SPG11: variants seen among roughly 807,000 people sequenced by gnomAD.
SPG11 encodes SPG11 vesicle trafficking associated, spatacsin.
SPG11 carries 222 observed loss-of-function variants against 274.0 expected under a neutral mutation model. The ratio of observed to expected loss-of-function variants is 0.81; its 90% CI spans 0.73 to 0.91. The LOEUF (loss-of-function observed/expected upper bound fraction) is 0.91. Among genes scored for constraint, SPG11 ranks in the 40% least tolerant of loss-of-function variants. The probability of loss-of-function intolerance (pLI) is 0.00; values close to 1 mark genes in which losing one functional copy is unlikely to be tolerated. For synonymous variants in SPG11, 1,144 were observed against 1,039.7 expected (o/e 1.10, Z -1.93); for missense variants, 3,114 against 2,872.7 (o/e 1.08, Z -1.92).
rs375608115 is a variant in SPG11 at position 44,570,616 on chromosome 15, G to A, written c.6386C>T (p.Thr2129Met). 19 of 1,614,126 alleles carry A rather than the reference G, an allele frequency of 1.2e-5. No homozygotes were observed. The highest frequency in any genetic ancestry group is 6.7e-5 in the East Asian group (3 of 44,880). The change falls in exon 34 of 40, where the codon ACG (threonine) becomes ATG (methionine). Residue 2129 changes from threonine to methionine, a missense_variant. Transcript: ENST00000261866. ...LILAHHCFTL[T>M]CHMEGIIRVL... ...TCGGATGATGCCCTCCATGTGGCAC[G>A]TCAGGGTGAAGCAATGATGGGCCAG... is the stretch of plus-strand genomic sequence containing the variant.
chr15:44,583,861 A>T lies in SPG11; in HGVS notation c.5819T>A (p.Leu1940Gln). 1 of 1,614,222 alleles carries T rather than the reference A, an allele frequency of 6.2e-7. No homozygotes were observed. Among genetic ancestry groups the T allele is most frequent in the Non-Finnish European group, 8.5e-7 (1 of 1,180,038 alleles). Residue 1940 changes from leucine to glutamine, a missense_variant, in exon 30 of 40, where the codon CTG becomes CAG. Transcript: ENST00000261866. ...EIHALLQSAE[L>Q]LEEEAPDIPL... ...AATGTCGGGTGCTTCTTCCTCAAGC[A>T]GCTCAGCACTTTGTAGGAGAGCATG...
chr15:44,606,436 C>T (rs1232587665), intron 19 of SPG11, among the ~76,000 whole-genome samples: 1 of 151,816 alleles, frequency 6.6e-6, no homozygotes, highest in African/African-American at 2.4e-5. Context: ...GGCTAAAAGA[C>T]TAGAAAACGT....
At chr15:44,661,077 C>T (rs1461612713) in intron 1 of SPG11, among the ~76,000 whole-genome samples, 1 of 152,148 alleles carries the variant, frequency 6.6e-6, no homozygotes. Flanking sequence ...TCTTGAAAAA[C>T]TCTGCCTAAT....
intron 25 of SPG11, 21 bp from the exon 26 acceptor site, chr15:44,595,480 T>C: frequency 1.2e-6 from 2 of 1,611,710 alleles, no homozygotes; most frequent in Non-Finnish European, 1.7e-6. Flanking sequence ...ATAAATAAAA[T>C]AACAACTAGG....
Position 44,585,630 on chromosome 15 carries a change from T to G in SPG11, c.5121+6A>C. ...AAAAAAAAAAAAAAAAAAAGACCGA[T>G]GATACCTCTTTAATAACCAAGTTGT... is the stretch of plus-strand genomic sequence containing the variant. On this transcript the variant is annotated splice_donor_region_variant and intron_variant, in intron 29 of 39. Coordinates refer to ENST00000261866, the MANE Select transcript of SPG11 (RefSeq NM_025137.4). 6.4e-7 allele frequency: 1 copy of G among 1,559,424 alleles called. No individual in the cohort carries two copies. The highest frequency in any genetic ancestry group is 8.8e-7 in the Non-Finnish European group (1 of 1,139,918).
chr15:44,619,457 C>T (rs2083678583), intron 15 of SPG11, among the ~76,000 whole-genome samples: 1 of 152,164 alleles, frequency 6.6e-6, no homozygotes, highest in Non-Finnish European at 1.5e-5. Context: ...AAAATCTTCA[C>T]ATCACTTCAA....
intron 15 of SPG11, among the ~76,000 whole-genome samples, chr15:44,619,071 G>C (rs1347341439): frequency 6.6e-6 from 1 of 152,112 alleles, no homozygotes; most frequent in Non-Finnish European, 1.5e-5. Context: ...ATATTTACTA[G>C]TAGTAAACAA....
chr15:44,576,849 T>C (rs1212098584), intron 30 of SPG11, among the ~76,000 whole-genome samples: 1 of 151,974 alleles, frequency 6.6e-6, no homozygotes, highest in Non-Finnish European at 1.5e-5. Flanking sequence ...TTGTGTGTGA[T>C]GAAGTCTCAC....
rs543019032 is a variant in SPG11 at position 44,569,998 on chromosome 15, A to G, written c.6478-493T>C. Among the ~76,000 whole-genome samples, 10 of 152,250 alleles carry G rather than the reference A, an allele frequency of 6.6e-5. No homozygotes were observed. In the East Asian group the frequency reaches 1.9e-3, roughly 29 times the overall value. On this transcript the variant is annotated intron_variant, in intron 34 of 39. Transcript: ENST00000261866. ...GCTGGGATTACAGGCGTGAGCCACC[A>G]TGAACGGCTTTGCTGTCCTTAAATG...
chr15:44,593,920 T>A (rs1887092103), intron 26 of SPG11, among the ~76,000 whole-genome samples: 2 of 149,742 alleles, frequency 1.3e-5, no homozygotes, highest in African/African-American at 4.9e-5. Context: ...CGCCCGGCTT[T>A]TTTCTTTTCT....
intron 7 of SPG11, among the ~76,000 whole-genome samples, chr15:44,641,303 A>C (rs576699292): frequency 5.1e-4 from 77 of 152,228 alleles, no homozygotes; most frequent in African/African-American, 1.4e-3. Flanking sequence ...GAAAAAACAG[A>C]AACTATATAA....
rs1452511274 is a variant in SPG11, at chr15:44,596,813, T to C, written c.4132A>G (p.Ser1378Gly). The change falls in exon 24 of 40, where the codon AGC becomes GGC. Residue 1378 changes from serine (S) to glycine (G), a missense_variant. By Grantham distance (56) the Ser-to-Gly change is moderately conservative. Coordinates refer to ENST00000261866, the MANE Select transcript of SPG11 (RefSeq NM_025137.4). ...GCTGGGTGGTAGTTGTGGAGTTGGCTGTGAATAATGAACTGCAGCCAATCA... is the reference window on the plus strand; with the variant it reads ...GCTGGGTGGTAGTTGTGGAGTTGGCCGTGAATAATGAACTGCAGCCAATCA... ...ANDWLQFIIHSQLHNYHPAEV... is the reference protein window; with the variant it reads ...ANDWLQFIIHGQLHNYHPAEV... The C allele has an allele frequency of 5.0e-6, 8 of 1,614,016 alleles. No homozygotes were observed. The highest frequency in any genetic ancestry group is 6.8e-6 in the Non-Finnish European group (8 of 1,180,036).
intron 4 of SPG11, among the ~76,000 whole-genome samples, chr15:44,653,147 C>A (rs1174873775): frequency 6.6e-6 from 1 of 151,848 alleles, no homozygotes; most frequent in Admixed American, 6.6e-5. Flanking sequence ...TGGTTCAGGG[C>A]CCCATAGGCT....
intron 8 of SPG11, among the ~76,000 whole-genome samples, chr15:44,630,176 G>C (rs574712989): frequency 6.6e-6 from 1 of 152,358 alleles, no homozygotes; most frequent in East Asian, 1.9e-4. Flanking sequence ...CCTGGATGTT[G>C]CATCGGCAGC....
chr15:44,614,975 T>G (rs1000169012), intron 16 of SPG11, among the ~76,000 whole-genome samples: 1 of 152,220 alleles, frequency 6.6e-6, no homozygotes, highest in East Asian at 1.9e-4. Context: ...CTAATATACC[T>G]TGAAAGTGAA....
chr15:44,566,151 AAAAG>A, intron 37 of SPG11, 62 bp downstream of exon 37: 1 of 1,602,820 alleles, frequency 6.2e-7, no homozygotes. Context: ...GCCCAAGGAC[AAAAG>A]AAAATAATTT....
In SPG11 at chr15:44,567,424, C is replaced by T. The variant is rs2140916872; in HGVS notation, c.6754G>A (p.Glu2252Lys). ...QLKLIESQPW[E>K]DSLKDGHQLK... is the part of the protein sequence containing the mutation. Reference sequence around the variant, plus strand: ...GTAGTGTGGCTGTGACCTCACTCACCCCAGGGCTGAGACTCAATCAATTTC... The same window carrying T: ...GTAGTGTGGCTGTGACCTCACTCACTCCAGGGCTGAGACTCAATCAATTTC... Residue 2252 changes from glutamate to lysine, a missense_variant and splice_region_variant, in exon 36 of 40, where the codon GAG becomes AAG. Physicochemically the swap from Glu to Lys is moderately conservative, Grantham distance 56 (BLOSUM62 1). Coordinates refer to ENST00000261866, the MANE Select transcript of SPG11 (RefSeq NM_025137.4). 1 of 1,613,828 alleles carries T rather than the reference C, an allele frequency of 6.2e-7. No individual in the cohort carries two copies. The highest frequency in any genetic ancestry group is 8.5e-7 in the Non-Finnish European group (1 of 1,179,940).
Position 44,651,942 on chromosome 15 carries a change from G to GGA in SPG11, c.1008-5_1008-4dup. On this transcript the variant is annotated splice_region_variant and splice_polypyrimidine_tract_variant and intron_variant, in intron 5 of 39. Transcript: ENST00000261866. ...ATGATAGCTGGGCTTTCCAAGACCT[G>GGA]GAAACAAGGTAAAATATAACTTAAC... 1.2e-6 allele frequency: 2 copies of GGA among 1,608,536 alleles called. No individual in the cohort carries two copies. The highest frequency in any genetic ancestry group is 1.7e-6 in the Non-Finnish European group (2 of 1,178,818).
rs148033137 is a variant in SPG11 at position 44,645,606 on chromosome 15, A to G, written c.1602+3260T>C. Among the ~76,000 whole-genome samples, 385 of 152,306 alleles carry G rather than the reference A, an allele frequency of 2.5e-3. 5 individuals are homozygous for G. The highest frequency in any genetic ancestry group is 9.1e-3 in the African/African-American group (378 of 41,584). Reference sequence around the variant, plus strand: ...CCAAAAGCAATTGCAACAAAAACCAAAAATTGACAAATGGGACCTAATTAA... The same window carrying G: ...CCAAAAGCAATTGCAACAAAAACCAGAAATTGACAAATGGGACCTAATTAA... On this transcript the variant is annotated intron_variant, in intron 7 of 39. Coordinates refer to ENST00000261866, the MANE Select transcript of SPG11 (RefSeq NM_025137.4).
Sources: gnomAD v4.1 joint callset for allele counts (sites outside exome capture counted in the v4.1 genomes callset) on GRCh38, gnomAD v4.1.1 for gene constraint, MANE v1.5 for transcripts, NCBI Gene and HGNC (gene_info 2026-07-23, HGNC 2026-07-21) for gene names.